CYLC1: variants seen among roughly 807,000 people sequenced by gnomAD.
CYLC1 encodes the protein cylicin 1, also known as cylicin-1.
CYLC1 carries 2 observed loss-of-function variants against 31.6 expected under a neutral mutation model. The ratio of observed to expected loss-of-function variants is 0.06; its 90% CI spans 0.03 to 0.20. CYLC1 has a LOEUF of 0.20. CYLC1 is among the 10% of genes least tolerant of loss of function. The probability of loss-of-function intolerance (pLI) is 1.00; values close to 1 mark genes in which losing one functional copy is unlikely to be tolerated. For synonymous variants in CYLC1, 185 were observed against 153.0 expected, an observed-to-expected ratio of 1.21 and a Z score of -1.54; for missense variants, 595 against 424.1, an observed-to-expected ratio of 1.40 and a Z score of -3.54.
chrX:83,877,310 C>G (rs1005117871), intron 4 of CYLC1, among the ~76,000 whole-genome samples: 3 of 111,207 alleles, frequency 2.7e-5, no homozygotes, highest in Non-Finnish European at 5.7e-5. Context: ...TCCATTAACT[C>G]ATTATGTTGC....
intron 1 of CYLC1, among the ~76,000 whole-genome samples, chrX:83,862,210 A>G (rs1180515465): frequency 3.6e-5 from 4 of 111,357 alleles, no homozygotes; most frequent in Non-Finnish European, 5.7e-5. Flanking sequence ...TACTTTTAGA[A>G]AATGAAAATT....
At chrX:83,880,522 A>T (rs1380971354) in intron 4 of CYLC1, among the ~76,000 whole-genome samples, 1 of 111,602 alleles carries the variant, frequency 9.0e-6, no homozygotes, top group Non-Finnish European at 1.9e-5. Context: ...CTTTGGAGTC[A>T]AATAATTTGG....
At chrX:83,867,543 C>T (rs1359297658) in intron 1 of CYLC1, among the ~76,000 whole-genome samples, 1 of 111,386 alleles carries the variant, frequency 9.0e-6, no homozygotes, top group Non-Finnish European at 1.9e-5. Context: ...AAGGTGTTAG[C>T]AAGGCTGGTT....
At chrX:83,865,932 G>T (rs1240479085) in intron 1 of CYLC1, among the ~76,000 whole-genome samples, 1 of 111,217 alleles carries the variant, frequency 9.0e-6, no homozygotes, top group African/African-American at 3.3e-5. Context: ...ACCACAGTCT[G>T]TCTTGAACCC....
chrX:83,863,780 G>A (rs1039236815), intron 1 of CYLC1, among the ~76,000 whole-genome samples: 2 of 111,655 alleles, frequency 1.8e-5, no homozygotes, highest in African/African-American at 3.3e-5. Context: ...TCTTCTTGCT[G>A]CATTTAACTC....
intron 1 of CYLC1, among the ~76,000 whole-genome samples, chrX:83,863,113 AC>A (rs765516493): frequency 1.5e-4 from 17 of 111,783 alleles, no homozygotes; most frequent in African/African-American, 5.2e-4. Context: ...CTCCAAAAGT[AC>A]CTTTGTCTTA....
intron 4 of CYLC1, 128 bp downstream of exon 4, chrX:83,874,759 GAAGGT>G: frequency 1.3e-6 from 1 of 742,906 alleles, no homozygotes; most frequent in Admixed American, 4.7e-5. Flanking sequence ...TTTGTGACTC[GAAGGT>G]AAGAAAAATA....
At position 83,878,053 on chromosome X, in the gene CYLC1, T is replaced by C. The variant is rs2031812528; in HGVS notation, c.1923+3422T>C. 4.6e-5 allele frequency among the ~76,000 whole-genome samples: 3 copies of C among 64,529 alleles called. No individual in the cohort carries two copies. The South Asian group carries it at 2.6e-3, about 56-fold the overall frequency. The allele number at this position is 64,529 out of a possible 115,157, so 56.0% of individuals were successfully genotyped here. On this transcript the variant is annotated intron_variant, in intron 4 of 4. Transcript: ENST00000329312. ...ATTTGTATATAAATATAAATATATA[T>C]ATTTGTATATAAATATATATATAAA...
rs769955337 is a variant in CYLC1 at position 83,873,454 on chromosome X, T to C, written c.746T>C (p.Met249Thr). 8.3e-7 allele frequency: 1 copy of C among 1,199,727 alleles called. No homozygotes were observed. The highest frequency in any genetic ancestry group is 1.7e-5 in the African/African-American group (1 of 57,308). Residue 249 changes from methionine to threonine, a missense_variant, in exon 4 of 5, where the codon ATG (methionine) becomes ACG (threonine). Met to Thr is a moderately conservative substitution (Grantham distance 81). Coordinates refer to ENST00000329312, the MANE Select transcript of CYLC1 (RefSeq NM_021118.3). Reference protein sequence around the residue: ...SENSLNVDFLMLVGQSDDESI... With the variant: ...SENSLNVDFLTLVGQSDDESI... ...AATAGTTTAAATGTTGATTTCCTCATGTTAGTGGGACAGTCTGATGATGAA... is the reference window on the plus strand; with the variant it reads ...AATAGTTTAAATGTTGATTTCCTCACGTTAGTGGGACAGTCTGATGATGAA...
chrX:83,878,046 A>G (rs1307567190), intron 4 of CYLC1, among the ~76,000 whole-genome samples: 1 of 65,377 alleles, frequency 1.5e-5, no homozygotes, highest in African/African-American at 6.1e-5. Flanking sequence ...ATAAATATAA[A>G]TATATATATT....
chrX:83,872,467 C>A (rs186094063), intron 3 of CYLC1, among the ~76,000 whole-genome samples: 73 of 110,197 alleles, frequency 6.6e-4, no homozygotes, highest in Non-Finnish European at 4.0e-4. Context: ...ACTGTCATAA[C>A]AAACTTCAAG....
chrX:83,866,247 C>G (rs1475027701), intron 1 of CYLC1, among the ~76,000 whole-genome samples: 1 of 111,478 alleles, frequency 9.0e-6, no homozygotes, highest in Non-Finnish European at 1.9e-5. Flanking sequence ...CATTTTAACT[C>G]CATAAAATGG....
At chrX:83,885,333 TA>T (rs938769337) in intron 4 of CYLC1, among the ~76,000 whole-genome samples, 9 of 109,469 alleles carry the variant, frequency 8.2e-5, no homozygotes, top group African/African-American at 3.3e-5. Flanking sequence ...ATCTGTATAA[TA>T]AAAAAATCAA....
chrX:83,870,538 C>T (rs1169922047), intron 2 of CYLC1, among the ~76,000 whole-genome samples: 1 of 111,416 alleles, frequency 9.0e-6, no homozygotes, highest in Non-Finnish European at 1.9e-5. Flanking sequence ...CTTTATTTTT[C>T]CATATCTGTA....
intron 4 of CYLC1, among the ~76,000 whole-genome samples, chrX:83,880,441 G>A (rs73230986): frequency 0.14 from 15,737 of 110,621 alleles, 1,166 homozygotes; most frequent in Non-Finnish European, 0.22. Context: ...TTTCCCAAAA[G>A]AATTAAATAC....
Position 83,870,888 on chromosome X carries a change from C to T in CYLC1, c.59-564C>T, listed in dbSNP as rs1004346306. ...TATATGGCCTTCTTTAAATAGAATC[C>T]CCAAAATGGAATGCAGTATTTCCAC... On this transcript the variant is annotated intron_variant, in intron 2 of 4. Coordinates refer to ENST00000329312, the MANE Select transcript of CYLC1 (RefSeq NM_021118.3). Among the ~76,000 whole-genome samples, 3 of 110,309 alleles carry T rather than the reference C, an allele frequency of 2.7e-5. No homozygotes were observed. The Admixed American group carries it at 2.9e-4, about 11-fold the overall frequency.
rs768934395 is a variant in CYLC1 at position 83,871,589 on chromosome X, AT to A, written c.177+24del. On this transcript the variant is annotated intron_variant, in intron 3 of 4. Coordinates refer to ENST00000329312, the MANE Select transcript of CYLC1 (RefSeq NM_021118.3). Reference sequence around the variant, plus strand: ...AGTTACTGTAAGTATAGAAAAAGTCATTTTTAAAAACGAAATCTAAGTTGGT... The same window carrying A: ...AGTTACTGTAAGTATAGAAAAAGTCATTTTAAAAACGAAATCTAAGTTGGT... 6.0e-6 allele frequency: 7 copies of A among 1,165,143 alleles called. No individual in the cohort carries two copies. In the Admixed American group the frequency reaches 1.5e-4, roughly 25 times the overall value.
intron 3 of CYLC1, among the ~76,000 whole-genome samples, chrX:83,871,881 G>A (rs1231591192): frequency 9.0e-6 from 1 of 111,085 alleles, no homozygotes; most frequent in East Asian, 2.8e-4. Context: ...AACTGATCTT[G>A]ATGAGGTTTC....
rs2031696585 is a variant in CYLC1 at position 83,873,100 on chromosome X, C to T, written c.392C>T (p.Ser131Phe). Residue 131 changes from serine (S) to phenylalanine (F), a missense_variant, in exon 4 of 5, where the codon TCC becomes TTC. Coordinates refer to ENST00000329312, the MANE Select transcript of CYLC1 (RefSeq NM_021118.3). ...GGAGGAACACCTTTGAAGAAAGATTCCAAGAAAAAAGGAGGTTCATATGCA... is the reference window on the plus strand; with the variant it reads ...GGAGGAACACCTTTGAAGAAAGATTTCAAGAAAAAAGGAGGTTCATATGCA... Reference protein sequence around the residue: ...EKGGTPLKKDSKKKGGSYATN... With the variant: ...EKGGTPLKKDFKKKGGSYATN... 8.4e-7 allele frequency: 1 copy of T among 1,191,215 alleles called. No individual in the cohort carries two copies. The highest frequency in any genetic ancestry group is 3.0e-5 in the East Asian group (1 of 33,522).
Sources: allele counts gnomAD v4.1 joint callset (sites outside exome capture counted in the v4.1 genomes callset), GRCh38; gene constraint gnomAD v4.1.1; transcripts MANE v1.5; gene names NCBI Gene and HGNC (gene_info 2026-07-23, HGNC 2026-07-21).